The following DENND4C variants were observed in gnomAD, a reference collection of about 807,000 sequenced individuals.
The protein encoded by DENND4C is DENN domain-containing protein 4C.
A neutral mutation model predicts 203.0 loss-of-function variants in DENND4C; 108 were observed. That is an observed-to-expected ratio of 0.53 (90% confidence interval 0.46 to 0.62). The LOEUF (loss-of-function observed/expected upper bound fraction) is 0.62, where lower values mean the gene tolerates loss of function less well. Ranked by LOEUF, DENND4C falls within the 20% of genes least tolerant of loss-of-function variation. The probability of loss-of-function intolerance (pLI) is 0.00; values close to 1 mark genes in which losing one functional copy is unlikely to be tolerated. For missense variants in DENND4C, 2,481 were observed against 2,301.2 expected, an observed-to-expected ratio of 1.08 and a Z score of -1.60; for synonymous variants, 871 against 792.4, an observed-to-expected ratio of 1.10 and a Z score of -1.67.
chr9:19,324,930 C>T (rs1242533253), intron 13 of DENND4C, among the ~76,000 whole-genome samples: 3 of 152,072 alleles, frequency 2.0e-5, no homozygotes, highest in Non-Finnish European at 4.4e-5. Flanking sequence ...ATTGCCCAGG[C>T]TGGTCTCAAA....
chr9:19,369,777 A>AAAT (rs1554645960), intron 30 of DENND4C, 60 bp from the exon 31 acceptor site: 135 of 937,220 alleles, frequency 1.4e-4, no homozygotes, highest in African/African-American at 1.2e-3. Flanking sequence ...AAAAAAAAAA[A>AAAT]AATAATAATA....
chr9:19,328,482 A>AG (rs1236504951), intron 16 of DENND4C, among the ~76,000 whole-genome samples: 1 of 151,800 alleles, frequency 6.6e-6, no homozygotes, highest in African/African-American at 2.4e-5. Context: ...GCGTGGTGTC[A>AG]GGCGCCTGTG....
intron 1 of DENND4C, among the ~76,000 whole-genome samples, chr9:19,245,372 CAGG>C (rs1179723964): frequency 6.6e-6 from 1 of 150,648 alleles, no homozygotes; most frequent in African/African-American, 2.4e-5. Flanking sequence ...GAGGCTGAGG[CAGG>C]AGAATGGTGT....
chr9:19,296,257 T>C lies in DENND4C; in HGVS notation c.1040+11T>C. On this transcript the variant is annotated intron_variant, in intron 6 of 32. Coordinates refer to ENST00000434457, the MANE Select transcript of DENND4C (RefSeq NM_001330640.2). ...TCTTCCCATTGAAAAGTATGTATAA[T>C]GATTAGAAAGATGGCTGGTGGAAAA... The C allele has an allele frequency of 6.5e-7, 1 of 1,544,936 alleles. No individual in the cohort carries two copies. The highest frequency in any genetic ancestry group is 8.9e-7 in the Non-Finnish European group (1 of 1,127,540).
chr9:19,345,117 C>T (rs1289675656), intron 22 of DENND4C, among the ~76,000 whole-genome samples: 3 of 152,318 alleles, frequency 2.0e-5, no homozygotes, highest in South Asian at 2.1e-4. Flanking sequence ...CAGTCCATAA[C>T]AGGTAGACTT....
At position 19,373,227 on chromosome 9, in the gene DENND4C, GT is replaced by G. The variant is rs1318205355; in HGVS notation, c.*1058del. ...TATTATGTATTATCTTGCTTAATGGGTTTTATCTTGATTATCCAGTTACTTC... is the reference window on the plus strand; with the variant it reads ...TATTATGTATTATCTTGCTTAATGGGTTTATCTTGATTATCCAGTTACTTC... On this transcript the variant is annotated 3_prime_UTR_variant, in exon 33 of 33. Coordinates refer to ENST00000434457, the MANE Select transcript of DENND4C (RefSeq NM_001330640.2). 1 of 152,116 alleles carries G rather than the reference GT, an allele frequency of 6.6e-6. No homozygotes were observed. The highest frequency in any genetic ancestry group is 1.5e-5 in the Non-Finnish European group (1 of 68,012). The allele number at this position is 152,116 out of a possible 1,614,324, so 9.4% of individuals were successfully genotyped here. A position where few individuals can be genotyped will look rare whatever the true frequency, so the allele number is the denominator to read the frequency against.
chr9:19,262,982 A>G (rs1347706012), intron 1 of DENND4C, among the ~76,000 whole-genome samples: 2 of 152,238 alleles, frequency 1.3e-5, no homozygotes, highest in Non-Finnish European at 2.9e-5. Context: ...GTTGAATAAC[A>G]GTATTGAAAG....
At chr9:19,283,150 C>G (rs1834464729) in intron 2 of DENND4C, among the ~76,000 whole-genome samples, 1 of 144,280 alleles carries the variant, frequency 6.9e-6, no homozygotes, top group African/African-American at 2.5e-5. Context: ...TAGATATGAA[C>G]TACTGTGCCT....
At chr9:19,333,803 A>C (rs1389015634) in intron 17 of DENND4C, among the ~76,000 whole-genome samples, 1 of 152,190 alleles carries the variant, frequency 6.6e-6, no homozygotes. Flanking sequence ...TCCCTTTAAA[A>C]ATTATTTTTG....
At chr9:19,307,547 A>C (rs950491485) in intron 10 of DENND4C, among the ~76,000 whole-genome samples, 13 of 152,038 alleles carry the variant, frequency 8.6e-5, no homozygotes, top group Non-Finnish European at 7.4e-5. Context: ...AGGCAGATGG[A>C]TCACCTGAGG....
chr9:19,272,296 T>A (rs553233597), intron 1 of DENND4C, among the ~76,000 whole-genome samples: 2 of 151,904 alleles, frequency 1.3e-5, no homozygotes, highest in African/African-American at 4.8e-5. Flanking sequence ...GGGACATGCC[T>A]GTAATCCCAG....
intron 15 of DENND4C, among the ~76,000 whole-genome samples, chr9:19,327,818 A>T (rs1367136511): frequency 1.3e-5 from 2 of 152,156 alleles, no homozygotes; most frequent in East Asian, 3.8e-4. Flanking sequence ...GATTGAAAAT[A>T]ACAAATAGGG....
At chr9:19,350,336 G>T (rs530851286) in intron 23 of DENND4C, among the ~76,000 whole-genome samples, 22 of 152,300 alleles carry the variant, frequency 1.4e-4, no homozygotes, top group African/African-American at 5.1e-4. Context: ...GGAGAACAAG[G>T]TCACAATCTG....
chr9:19,311,206 C>G (rs920636599), intron 10 of DENND4C, among the ~76,000 whole-genome samples: 1 of 152,100 alleles, frequency 6.6e-6, no homozygotes, highest in Non-Finnish European at 1.5e-5. Context: ...TCACTGCAAC[C>G]TCCACCTCCT....
Position 19,373,996 on chromosome 9 carries a change from C to T in DENND4C, c.*1823C>T, listed in dbSNP as rs1829261632. 6.6e-6 allele frequency among the ~76,000 whole-genome samples: 1 copy of T among 152,060 alleles called. No individual in the cohort carries two copies. Among genetic ancestry groups the T allele is most frequent in the South Asian group, 2.1e-4 (1 of 4,834 alleles). ...CATTACCTTCAAAATGGATCTTTTG[C>T]ACTGTCTGAGAGTATATATTTTTGC... On this transcript the variant is annotated 3_prime_UTR_variant, in exon 33 of 33. Transcript: ENST00000434457.
In DENND4C at chr9:19,351,738, C is replaced by T. The variant is rs140482912; in HGVS notation, c.4496-335C>T. Among the ~76,000 whole-genome samples, 405 of 149,686 alleles carry T rather than the reference C, an allele frequency of 2.7e-3. 2 individuals are homozygous for T. Among genetic ancestry groups the T allele is most frequent in the South Asian group, 0.019 (92 of 4,760 alleles). ...AGGAGAATCACTTGAACCTGGGAGG[C>T]AGAGGTTGCAGTGAGCCGAGATTGT... On this transcript the variant is annotated intron_variant, in intron 24 of 32. Transcript: ENST00000434457.
intron 10 of DENND4C, among the ~76,000 whole-genome samples, chr9:19,310,386 A>G (rs1311221539): frequency 1.3e-5 from 2 of 152,220 alleles, no homozygotes; most frequent in African/African-American, 4.8e-5. Context: ...AGGGATTGAC[A>G]TCTGGCCCAA....
chr9:19,312,551 G>T (rs1469196021), intron 10 of DENND4C, among the ~76,000 whole-genome samples: 1 of 152,200 alleles, frequency 6.6e-6, no homozygotes, highest in Non-Finnish European at 1.5e-5. Flanking sequence ...CAAGAAACTA[G>T]TGATTATGTA....
At chr9:19,353,641 A>G (rs1453140029) in intron 26 of DENND4C, among the ~76,000 whole-genome samples, 1 of 151,726 alleles carries the variant, frequency 6.6e-6, no homozygotes, top group Non-Finnish European at 1.5e-5. Flanking sequence ...AAAAACAACA[A>G]AAACATTTAG....
Sources: gnomAD v4.1 joint callset for allele counts (sites outside exome capture counted in the v4.1 genomes callset) on GRCh38, gnomAD v4.1.1 for gene constraint, MANE v1.5 for transcripts, NCBI Gene and HGNC (gene_info 2026-07-23, HGNC 2026-07-21) for gene names.